Variants in ROBO1 observed in about 807,000 individuals in gnomAD.
ROBO1 encodes the protein roundabout homolog 1.
In ROBO1, 149 loss-of-function variants were observed where a neutral mutation model predicts 195.9. The ratio of observed to expected loss-of-function variants is 0.76; its 90% CI spans 0.67 to 0.87. The LOEUF (loss-of-function observed/expected upper bound fraction) is 0.87, where lower values mean the gene tolerates loss of function less well. ROBO1 is among the 40% of genes least tolerant of loss of function. The pLI is 0.00. For synonymous variants in ROBO1, 816 were observed against 733.2 expected, an observed-to-expected ratio of 1.11 and a Z score of -1.82; for missense variants, 1,933 against 2,068.3, an observed-to-expected ratio of 0.93 and a Z score of 1.27.
chr3:78,724,819 A>T (rs1383755349), intron 5 of ROBO1, among the ~76,000 whole-genome samples: 2 of 152,204 alleles, frequency 1.3e-5, no homozygotes, highest in Non-Finnish European at 1.5e-5. Flanking sequence ...TTCTCTGTCT[A>T]CATAGGGAAG....
intron 4 of ROBO1, among the ~76,000 whole-genome samples, chr3:78,894,730 C>G (rs1441000235): frequency 6.6e-6 from 1 of 152,128 alleles, no homozygotes; most frequent in African/African-American, 2.4e-5. Context: ...GCTGTTCTGC[C>G]CATTGTGGCT....
At chr3:78,898,380 GTTTTTTTTTTTTT>G (rs773377988) in intron 4 of ROBO1, among the ~76,000 whole-genome samples, 1 of 100,998 alleles carries the variant, frequency 9.9e-6, no homozygotes, top group Non-Finnish European at 1.8e-5. Context: ...GATAGATAGG[GTTTTTTTTTTTTT>G]TTTTTTTTTT....
At chr3:79,602,637 C>T (rs540928937) in intron 1 of ROBO1, among the ~76,000 whole-genome samples, 3 of 152,004 alleles carry the variant, frequency 2.0e-5, no homozygotes, top group Non-Finnish European at 2.9e-5. Flanking sequence ...GATGAAAATG[C>T]AGTTGGATTG....
At chr3:79,465,256 G>A (rs936032863) in intron 2 of ROBO1, among the ~76,000 whole-genome samples, 1 of 152,150 alleles carries the variant, frequency 6.6e-6, no homozygotes, top group African/African-American at 2.4e-5. Flanking sequence ...TTAATAGTCT[G>A]TTTTAACGGT....
At chr3:79,423,286 T>A (rs1285177802) in intron 2 of ROBO1, among the ~76,000 whole-genome samples, 2 of 152,120 alleles carry the variant, frequency 1.3e-5, no homozygotes, top group Non-Finnish European at 2.9e-5. Flanking sequence ...CCAACCCTCC[T>A]CAGAAATGAA....
chr3:79,568,514 T>TA (rs1943165146), intron 2 of ROBO1, among the ~76,000 whole-genome samples: 1 of 151,826 alleles, frequency 6.6e-6, no homozygotes, highest in Admixed American at 6.6e-5. Context: ...TTGAATTTTT[T>TA]TCTTTTTCTC....
At chr3:78,964,934 C>G (rs1271239393) in intron 3 of ROBO1, among the ~76,000 whole-genome samples, 1 of 151,054 alleles carries the variant, frequency 6.6e-6, no homozygotes, top group African/African-American at 2.4e-5. Context: ...TCCCCCCGTG[C>G]TGGGATTACA....
intron 2 of ROBO1, among the ~76,000 whole-genome samples, chr3:79,580,214 G>A (rs546523694): frequency 2.9e-4 from 44 of 152,158 alleles, no homozygotes; most frequent in Non-Finnish European, 3.8e-4. Flanking sequence ...GCTCATGCCT[G>A]TAATCCCAGC....
chr3:78,696,080 G>C (rs2081282042), intron 8 of ROBO1, among the ~76,000 whole-genome samples: 1 of 149,492 alleles, frequency 6.7e-6, no homozygotes, highest in Non-Finnish European at 1.5e-5. Flanking sequence ...CTATGAAACA[G>C]GCAGATTTTA....
intron 10 of ROBO1, among the ~76,000 whole-genome samples, chr3:78,683,476 A>G (rs957061876): frequency 6.6e-6 from 1 of 152,084 alleles, no homozygotes; most frequent in African/African-American, 2.4e-5. Context: ...CAAAACAAGG[A>G]AAGAAAGGTG....
chr3:79,468,748 A>T (rs1424471931), intron 2 of ROBO1, among the ~76,000 whole-genome samples: 1 of 152,140 alleles, frequency 6.6e-6, no homozygotes, highest in African/African-American at 2.4e-5. Flanking sequence ...AGAACCTGGA[A>T]TTGGATTTGT....
chr3:78,635,873 G>A lies in ROBO1; in HGVS notation c.3273C>T (p.Ser1091=), dbSNP rs1395537600. Residue 1091 remains serine (S), a synonymous_variant, in exon 23 of 31, where the codon AGC becomes AGT. Transcript: ENST00000464233. ...TCCAGTGCTTCTCGCCAGAGTCCCC[G>A]CTGCCATTGTTCATGTTGTTGCTGA... is the stretch of plus-strand genomic sequence containing the variant. ...SNLSNNMNNG[S]GDSGEKHWKP... is the part of the protein sequence containing the mutation. 11 of 1,613,686 alleles carry A rather than the reference G, an allele frequency of 6.8e-6. No homozygotes were observed. The highest frequency in any genetic ancestry group is 3.3e-5 in the South Asian group (3 of 91,074).
chr3:78,806,513 A>C (rs1380431297), intron 4 of ROBO1, among the ~76,000 whole-genome samples: 2 of 152,196 alleles, frequency 1.3e-5, no homozygotes, highest in Non-Finnish European at 2.9e-5. Context: ...TGGAAAAGTA[A>C]TGAGTGTGGA....
chr3:79,236,664 T>C (rs1270807690), intron 2 of ROBO1, among the ~76,000 whole-genome samples: 1 of 152,198 alleles, frequency 6.6e-6, no homozygotes, highest in Non-Finnish European at 1.5e-5. Flanking sequence ...AGTTTTGTGG[T>C]ATTTGCAGAG....
chr3:79,217,532 C>T (rs1305556837), intron 2 of ROBO1, among the ~76,000 whole-genome samples: 5 of 152,084 alleles, frequency 3.3e-5, no homozygotes, highest in African/African-American at 1.2e-4. Flanking sequence ...CTACTTAGTC[C>T]AGTACACACG....
chr3:79,736,050 A>C (rs2107387329), intron 1 of ROBO1, among the ~76,000 whole-genome samples: 1 of 152,298 alleles, frequency 6.6e-6, no homozygotes, highest in Admixed American at 6.5e-5. Context: ...CGTGTGTAAA[A>C]AAAATTAAGT....
intron 2 of ROBO1, among the ~76,000 whole-genome samples, chr3:79,467,031 T>A (rs1385732035): frequency 6.6e-6 from 1 of 152,086 alleles, no homozygotes; most frequent in African/African-American, 2.4e-5. Flanking sequence ...TTGGAAGACA[T>A]GGCTCTGGAA....
Position 79,267,608 on chromosome 3 carries a change from C to A in ROBO1, c.89-142069G>T, listed in dbSNP as rs1163554567. Among the ~76,000 whole-genome samples, 8 of 150,880 alleles carry A rather than the reference C, an allele frequency of 5.3e-5. No individual in the cohort carries two copies. The East Asian group carries it at 1.4e-3, about 26-fold the overall frequency. ...TAAAAATTGGAAAGCTTGGAAAGAC[C>A]CATCTCATTTATAAGCACTGCAGGT... On this transcript the variant is annotated intron_variant, in intron 2 of 30. Coordinates refer to ENST00000464233, the MANE Select transcript of ROBO1 (RefSeq NM_002941.4).
intron 4 of ROBO1, among the ~76,000 whole-genome samples, chr3:78,818,566 A>G (rs1259464664): frequency 6.6e-6 from 1 of 152,230 alleles, no homozygotes; most frequent in African/African-American, 2.4e-5. Flanking sequence ...CTTCCTGGCC[A>G]ACGGAAGTAC....
Sources: gnomAD v4.1 joint callset for allele counts (sites outside exome capture counted in the v4.1 genomes callset) on GRCh38, gnomAD v4.1.1 for gene constraint, MANE v1.5 for transcripts, NCBI Gene and HGNC (gene_info 2026-07-23, HGNC 2026-07-21) for gene names.